TANC1: variants seen among roughly 807,000 people sequenced by gnomAD.
TANC1 encodes the protein tetratricopeptide repeat, ankyrin repeat and coiled-coil containing 1.
TANC1 carries 77 observed loss-of-function variants against 149.7 expected under a neutral mutation model. The observed-to-expected ratio is 0.51, with a 90% confidence interval of 0.43 to 0.62. The LOEUF (loss-of-function observed/expected upper bound fraction) is 0.62. Among genes scored for constraint, TANC1 ranks in the 20% least tolerant of loss-of-function variants. TANC1 has a pLI of 0.00. For missense variants in TANC1, 1,985 were observed against 2,321.8 expected, an observed-to-expected ratio of 0.85 and a Z score of 2.98; for synonymous variants, 854 against 925.0, an observed-to-expected ratio of 0.92 and a Z score of 1.39.
intron 19 of TANC1, among the ~76,000 whole-genome samples, chr2:159,212,009 A>G (rs149305593): frequency 1.2e-4 from 18 of 152,374 alleles, no homozygotes; most frequent in African/African-American, 4.3e-4. Context: ...GCCCCTGTGA[A>G]ACAGAGGTCC....
chr2:159,183,727 T>G lies in TANC1; in HGVS notation c.2511-2064T>G, dbSNP rs193228661. Among the ~76,000 whole-genome samples, 8 of 152,068 alleles carry G rather than the reference T, an allele frequency of 5.3e-5. No homozygotes were observed. The South Asian group carries it at 8.3e-4, about 16-fold the overall frequency. On this transcript the variant is annotated intron_variant, in intron 14 of 26. Transcript: ENST00000263635. ...TTTAATAACACAGGAGATTGGAACA[T>G]TGTCAGAAACATCACTGAGAGATAG...
intron 4 of TANC1, among the ~76,000 whole-genome samples, chr2:159,129,271 T>G (rs1459077742): frequency 6.6e-6 from 1 of 152,246 alleles, no homozygotes; most frequent in South Asian, 2.1e-4. Context: ...TGCCTCGAGA[T>G]AAAGCTGGGT....
At chr2:159,074,169 A>G (rs2043420189) in intron 3 of TANC1, among the ~76,000 whole-genome samples, 1 of 152,202 alleles carries the variant, frequency 6.6e-6, no homozygotes, top group East Asian at 1.9e-4. Flanking sequence ...CAGCCATGAA[A>G]ATACCATTGT....
Position 159,102,681 on chromosome 2 carries a change from T to C in TANC1, c.259+4847T>C, listed in dbSNP as rs1268346557. Among the ~76,000 whole-genome samples the C allele has an allele frequency of 1.7e-5, 2 of 117,426 alleles. 1 individual carries two copies. The highest frequency in any genetic ancestry group is 6.3e-5 in the African/African-American group (2 of 31,950). 77.0% of individuals were successfully genotyped at this position (117,426 alleles called of 152,430 possible). Reference sequence around the variant, plus strand: ...CATTGTTTCATTATTTTATAATTGATTTTTAAACATTTCTGATTGTTGGAT... The same window carrying C: ...CATTGTTTCATTATTTTATAATTGACTTTTAAACATTTCTGATTGTTGGAT... On this transcript the variant is annotated intron_variant, in intron 4 of 26. Coordinates refer to ENST00000263635, the MANE Select transcript of TANC1 (RefSeq NM_033394.3).
chr2:159,030,342 G>GT (rs770023035), intron 2 of TANC1, among the ~76,000 whole-genome samples: 2 of 152,170 alleles, frequency 1.3e-5, no homozygotes, highest in Non-Finnish European at 2.9e-5. Flanking sequence ...GAAGGTTGCT[G>GT]TTTTTTATGT....
chr2:159,215,462 T>A (rs2059283524), intron 19 of TANC1, among the ~76,000 whole-genome samples: 1 of 151,940 alleles, frequency 6.6e-6, no homozygotes, highest in African/African-American at 2.4e-5. Context: ...CCAGAGGAGG[T>A]CACAAATCAG....
intron 2 of TANC1, among the ~76,000 whole-genome samples, chr2:159,009,204 G>T (rs1047334458): frequency 1.3e-5 from 2 of 152,162 alleles, no homozygotes; most frequent in African/African-American, 4.8e-5. Context: ...ACAGGTGAAG[G>T]TGCCTCAAAA....
chr2:159,155,995 C>G (rs953776718), intron 7 of TANC1, among the ~76,000 whole-genome samples: 8 of 152,150 alleles, frequency 5.3e-5, no homozygotes, highest in Non-Finnish European at 1.0e-4. Context: ...AGCTTTAGAC[C>G]TTTTATTTCC....
intron 3 of TANC1, among the ~76,000 whole-genome samples, chr2:159,093,963 A>C (rs2045822866): frequency 6.6e-6 from 1 of 152,200 alleles, no homozygotes; most frequent in African/African-American, 2.4e-5. Context: ...TTTTCCCTTC[A>C]ATGCCTAATT....
chr2:159,155,356 G>A (rs1227929706), intron 7 of TANC1, among the ~76,000 whole-genome samples: 4 of 152,218 alleles, frequency 2.6e-5, no homozygotes, highest in Admixed American at 6.5e-5. Context: ...GGGAGGGGCC[G>A]TTAAGTCAGT....
At chr2:159,039,198 C>T (rs1349682117) in intron 2 of TANC1, among the ~76,000 whole-genome samples, 1 of 152,088 alleles carries the variant, frequency 6.6e-6, no homozygotes, top group African/African-American at 2.4e-5. Flanking sequence ...TTGGTGATAT[C>T]CCCTTTATCA....
At chr2:158,983,445 A>C (rs535840215) in intron 1 of TANC1, among the ~76,000 whole-genome samples, 37 of 136,108 alleles carry the variant, frequency 2.7e-4, no homozygotes, top group East Asian at 2.7e-3. Flanking sequence ...CCAGCCTGGG[A>C]GACAGAGCAA....
At position 159,104,590 on chromosome 2, in the gene TANC1, C is replaced by T. The variant is rs1391458294; in HGVS notation, c.259+6756C>T. 1.1e-4 allele frequency among the ~76,000 whole-genome samples: 10 copies of T among 93,642 alleles called. 4 individuals are homozygous for T. The highest frequency in any genetic ancestry group is 2.9e-4 in the African/African-American group (10 of 33,918). The allele number at this position is 93,642 out of a possible 152,430, so 61.4% of individuals were successfully genotyped here. The stretch of plus-strand genomic sequence containing the variant: ...TTGAGACAAGGTCTTGCTGTGTCAC[C>T]CAGGCTGGAGTGCAGTGGTGCTATC... On this transcript the variant is annotated intron_variant, in intron 4 of 26. Transcript: ENST00000263635.
chr2:158,985,291 T>G (rs2034869145), intron 1 of TANC1, among the ~76,000 whole-genome samples: 1 of 152,236 alleles, frequency 6.6e-6, no homozygotes, highest in South Asian at 2.1e-4. Context: ...AAGCTCAAAG[T>G]AACCTAGTTC....
intron 4 of TANC1, among the ~76,000 whole-genome samples, chr2:159,112,395 A>G (rs942103946): frequency 7.2e-5 from 11 of 152,158 alleles, no homozygotes; most frequent in Admixed American, 5.9e-4. Flanking sequence ...AGCTGGGACT[A>G]TGGGCAGATT....
At position 159,126,429 on chromosome 2, in the gene TANC1, G is replaced by A. The variant is rs149178427; in HGVS notation, c.260-9765G>A. Among the ~76,000 whole-genome samples, 3 of 152,296 alleles carry A rather than the reference G, an allele frequency of 2.0e-5. No homozygotes were observed. In the East Asian group the frequency reaches 5.8e-4, roughly 29 times the overall value. On this transcript the variant is annotated intron_variant, in intron 4 of 26. Transcript: ENST00000263635. ...TATTTGGGTCACACACAGGCAGAGTGTTTCTGACATTTCCAGTCAACTCCC... is the reference window on the plus strand; with the variant it reads ...TATTTGGGTCACACACAGGCAGAGTATTTCTGACATTTCCAGTCAACTCCC...
intron 7 of TANC1, among the ~76,000 whole-genome samples, chr2:159,150,983 A>G (rs2052733569): frequency 1.3e-5 from 2 of 152,038 alleles, no homozygotes; most frequent in African/African-American, 4.8e-5. Context: ...TATGTTTTCT[A>G]GGGTTTCTTA....
At chr2:159,147,752 A>C (rs1232029640) in intron 5 of TANC1, 2 of 152,260 alleles carry the variant, frequency 1.3e-5, no homozygotes, top group African/African-American at 4.8e-5. Context: ...GCAGCTAAAA[A>C]ACATCCAAGC....
chr2:159,023,521 T>C (rs2039000610), intron 2 of TANC1, among the ~76,000 whole-genome samples: 1 of 151,976 alleles, frequency 6.6e-6, no homozygotes, highest in Non-Finnish European at 1.5e-5. Context: ...TTTGTATTTT[T>C]GGAAGAGACA....
Sources: allele counts gnomAD v4.1 joint callset (sites outside exome capture counted in the v4.1 genomes callset), GRCh38; gene constraint gnomAD v4.1.1; transcripts MANE v1.5; gene names NCBI Gene and HGNC (gene_info 2026-07-23, HGNC 2026-07-21).